The following AUTS2 variants were observed in gnomAD, a reference collection of about 807,000 sequenced individuals.
AUTS2 encodes activator of transcription and developmental regulator AUTS2, also known as autism susceptibility gene 2 protein.
A neutral mutation model predicts 112.4 loss-of-function variants in AUTS2; 17 were observed. The observed-to-expected ratio is 0.15, with a 90% CI of 0.10 to 0.23. The LOEUF is 0.23. Ranked by LOEUF, AUTS2 falls within the 10% of genes least tolerant of loss-of-function variation. AUTS2 has a pLI of 1.00. For missense variants in AUTS2, 1,510 were observed against 1,701.6 expected, an observed-to-expected ratio of 0.89 and a Z score of 1.98; for synonymous variants, 751 against 702.7, an observed-to-expected ratio of 1.07 and a Z score of -1.09.
intron 4 of AUTS2, among the ~76,000 whole-genome samples, chr7:70,283,558 G>A (rs1788320889): frequency 6.6e-6 from 1 of 152,002 alleles, no homozygotes; most frequent in African/African-American, 2.4e-5. Flanking sequence ...GTGTATATAT[G>A]TATGTATACA....
chr7:70,144,999 A>G (rs1343936413), intron 4 of AUTS2, among the ~76,000 whole-genome samples: 1 of 152,052 alleles, frequency 6.6e-6, no homozygotes, highest in African/African-American at 2.4e-5. Context: ...CTGTCATGTC[A>G]TATATTGTTG....
chr7:69,724,372 A>G (rs1046259208), intron 1 of AUTS2, among the ~76,000 whole-genome samples: 2 of 152,144 alleles, frequency 1.3e-5, no homozygotes, highest in East Asian at 3.8e-4. Context: ...TGTTATTTCA[A>G]AGAAGTTCTT....
chr7:70,033,175 T>G (rs1800856943), intron 2 of AUTS2, among the ~76,000 whole-genome samples: 1 of 152,208 alleles, frequency 6.6e-6, no homozygotes, highest in South Asian at 2.1e-4. Context: ...TTTAAATGGT[T>G]GAGTTGTATG....
chr7:70,771,704 C>A lies in AUTS2; in HGVS notation c.1830+60C>A. On this transcript the variant is annotated intron_variant, in intron 11 of 18. Transcript: ENST00000342771. ...TGTCTAAGTGGCGTCCCGGGCCAGGCGTGCAGGAAGTTCTGCGTCCTCTTG... is the reference window on the plus strand; with the variant it reads ...TGTCTAAGTGGCGTCCCGGGCCAGGAGTGCAGGAAGTTCTGCGTCCTCTTG... The A allele has an allele frequency of 2.7e-6, 4 of 1,491,404 alleles. No individual in the cohort carries two copies. In the South Asian group the frequency reaches 4.6e-5, roughly 17 times the overall value. 92.4% of individuals were successfully genotyped at this position (1,491,404 alleles called of 1,614,324 possible).
At chr7:70,660,146 C>T (rs1806990992) in intron 5 of AUTS2, among the ~76,000 whole-genome samples, 1 of 150,562 alleles carries the variant, frequency 6.6e-6, no homozygotes, top group Non-Finnish European at 1.5e-5. Flanking sequence ...CACTGTACTC[C>T]AGCCTGAGCA....
At chr7:69,939,865 A>G (rs1249776037) in intron 2 of AUTS2, among the ~76,000 whole-genome samples, 1 of 152,222 alleles carries the variant, frequency 6.6e-6, no homozygotes, top group African/African-American at 2.4e-5. Context: ...ACTGAGTGAG[A>G]TGCTGAAGTG....
intron 2 of AUTS2, among the ~76,000 whole-genome samples, chr7:70,045,855 T>C (rs1418544452): frequency 6.7e-6 from 1 of 149,186 alleles, no homozygotes; most frequent in Non-Finnish European, 1.5e-5. Context: ...ATCAAACTCC[T>C]GACCTCATGA....
chr7:70,047,231 G>C (rs1801545851), intron 2 of AUTS2, among the ~76,000 whole-genome samples: 1 of 152,106 alleles, frequency 6.6e-6, no homozygotes, highest in Non-Finnish European at 1.5e-5. Flanking sequence ...AGATGTAAAA[G>C]TTTATAATTT....
chr7:69,715,394 T>C (rs1798558182), intron 1 of AUTS2, among the ~76,000 whole-genome samples: 1 of 152,136 alleles, frequency 6.6e-6, no homozygotes, highest in South Asian at 2.1e-4. Context: ...ATCAAGGACA[T>C]ACTTGAGGTC....
chr7:69,772,086 G>A lies in AUTS2; in HGVS notation c.310-127200G>A, dbSNP rs146078624. 3.0e-3 allele frequency among the ~76,000 whole-genome samples: 451 copies of A among 150,902 alleles called. 5 individuals carry two copies. The highest frequency in any genetic ancestry group is 0.01 in the African/African-American group (427 of 41,460). ...AGGCATGAGCCACCCCACCCGGCCC[G>A]TGACCTGACTTTTTTTACTGAGAAG... On this transcript the variant is annotated intron_variant, in intron 1 of 18. Transcript: ENST00000342771.
At chr7:70,111,359 A>G (rs1805080295) in intron 2 of AUTS2, among the ~76,000 whole-genome samples, 1 of 152,206 alleles carries the variant, frequency 6.6e-6, no homozygotes, top group African/African-American at 2.4e-5. Flanking sequence ...TTTCTGGAGT[A>G]AGAAATTAAA....
chr7:70,518,786 T>C (rs1197530954), intron 5 of AUTS2, among the ~76,000 whole-genome samples: 3 of 151,862 alleles, frequency 2.0e-5, no homozygotes, highest in African/African-American at 7.2e-5. Context: ...TCACTGCAAC[T>C]TCCGCCTCCC....
chr7:70,504,316 G>A (rs531623536), intron 5 of AUTS2, among the ~76,000 whole-genome samples: 8 of 151,938 alleles, frequency 5.3e-5, no homozygotes, highest in African/African-American at 1.4e-4. Context: ...GGCAGCCACC[G>A]TGACCCCATA....
chr7:70,684,189 A>G (rs1364803436), intron 5 of AUTS2, among the ~76,000 whole-genome samples: 1 of 152,188 alleles, frequency 6.6e-6, no homozygotes, highest in Admixed American at 6.5e-5. Context: ...TGCAGGAGTC[A>G]AATTTTCAGT....
chr7:70,451,904 CCAG>C (rs1325397481), intron 5 of AUTS2, among the ~76,000 whole-genome samples: 1 of 152,166 alleles, frequency 6.6e-6, no homozygotes, highest in African/African-American at 2.4e-5. Flanking sequence ...ACTGGGCCAC[CCAG>C]CAGCAGCCAG....
intron 4 of AUTS2, among the ~76,000 whole-genome samples, chr7:70,407,029 G>A (rs754977657): frequency 8.5e-5 from 13 of 152,244 alleles, no homozygotes; most frequent in Non-Finnish European, 1.2e-4. Flanking sequence ...GCCAAAAACT[G>A]AGCTGGCCAA....
chr7:69,904,646 T>C (rs1795087088), intron 2 of AUTS2, among the ~76,000 whole-genome samples: 1 of 152,238 alleles, frequency 6.6e-6, no homozygotes. Context: ...CGTTTCTACC[T>C]CATACTTCAA....
intron 2 of AUTS2, among the ~76,000 whole-genome samples, chr7:70,102,319 C>T (rs943020230): frequency 2.6e-5 from 4 of 151,756 alleles, no homozygotes; most frequent in Non-Finnish European, 5.9e-5. Flanking sequence ...GGGGTTTCAC[C>T]GTGTTAGCCA....
intron 4 of AUTS2, among the ~76,000 whole-genome samples, chr7:70,204,780 G>A (rs1810484303): frequency 6.6e-6 from 1 of 152,128 alleles, no homozygotes; most frequent in South Asian, 2.1e-4. Flanking sequence ...CCTGATCTTA[G>A]AGATTAAGTA....
Sources: gnomAD v4.1 joint callset for allele counts (sites outside exome capture counted in the v4.1 genomes callset) on GRCh38, gnomAD v4.1.1 for gene constraint, MANE v1.5 for transcripts, NCBI Gene and HGNC (gene_info 2026-07-23, HGNC 2026-07-21) for gene names.